SASH1: variants seen among roughly 807,000 people sequenced by gnomAD.
SASH1 encodes the protein SAM and SH3 domain containing 1, also known as SAM and SH3 domain-containing protein 1.
SASH1 carries 44 observed loss-of-function variants against 125.2 expected under a neutral mutation model. That is an observed-to-expected ratio of 0.35 (90% CI 0.28 to 0.45). The LOEUF is 0.45. SASH1 is among the 20% of genes least tolerant of loss of function. SASH1 has a pLI of 1.00. For synonymous variants in SASH1, 639 were observed against 649.1 expected (o/e 0.98, Z 0.24); for missense variants, 1,426 against 1,614.5 (o/e 0.88, Z 2.00).
intron 1 of SASH1, among the ~76,000 whole-genome samples, chr6:148,361,419 A>G (rs893354919): frequency 3.9e-5 from 6 of 152,268 alleles, no homozygotes; most frequent in Admixed American, 1.3e-4. Flanking sequence ...CCTGACCAGC[A>G]TGGAGAAACC....
chr6:148,360,826 G>A (rs999430859), intron 1 of SASH1, among the ~76,000 whole-genome samples: 5 of 152,216 alleles, frequency 3.3e-5, no homozygotes, highest in Admixed American at 6.5e-5. Context: ...GTGACCCTGT[G>A]AGGTGTGGTT....
intron 4 of SASH1, among the ~76,000 whole-genome samples, chr6:148,450,955 A>G (rs1392231706): frequency 6.6e-6 from 1 of 152,226 alleles, no homozygotes; most frequent in African/African-American, 2.4e-5. Flanking sequence ...TGATCATTAT[A>G]GTGCTTACCT....
At chr6:148,509,787 C>T (rs535990907) in intron 8 of SASH1, among the ~76,000 whole-genome samples, 2 of 152,334 alleles carry the variant, frequency 1.3e-5, no homozygotes, top group South Asian at 2.1e-4. Context: ...AATGTTTGTA[C>T]TCACAGATGC....
At chr6:148,334,065 G>C (rs1281976717) in intron 1 of SASH1, among the ~76,000 whole-genome samples, 1 of 150,358 alleles carries the variant, frequency 6.7e-6, no homozygotes, top group African/African-American at 2.4e-5. Flanking sequence ...CTCGTGATCC[G>C]CCTGCCTCGG....
At chr6:148,401,943 C>T (rs1427187758) in intron 2 of SASH1, among the ~76,000 whole-genome samples, 2 of 152,024 alleles carry the variant, frequency 1.3e-5, no homozygotes, top group South Asian at 4.2e-4. Flanking sequence ...TTCTTTTCTC[C>T]GAGATATTCC....
the SASH1 span, among the ~76,000 whole-genome samples, chr6:148,207,155 T>G: frequency 6.6e-6 from 1 of 152,180 alleles, no homozygotes; most frequent in Admixed American, 6.6e-5. Context: ...ACCCTGATTT[T>G]CCATGTCCTC....
chr6:148,426,191 A>C (rs1775817319), intron 2 of SASH1, among the ~76,000 whole-genome samples: 1 of 152,134 alleles, frequency 6.6e-6, no homozygotes, highest in Non-Finnish European at 1.5e-5. Context: ...TAGCCTGGGC[A>C]ACAACAGTGA....
upstream of SASH1, among the ~76,000 whole-genome samples, chr6:148,338,481 C>T (rs1195219741): frequency 6.6e-6 from 1 of 151,914 alleles, no homozygotes; most frequent in African/African-American, 2.4e-5. Flanking sequence ...TTTGATTCTG[C>T]CCCATGTAGC....
the SASH1 span, among the ~76,000 whole-genome samples, chr6:148,265,252 G>A: frequency 9.9e-5 from 15 of 150,826 alleles, no homozygotes; most frequent in Admixed American, 8.6e-4. Flanking sequence ...CAAGGCTACA[G>A]TGAGCTAAGC....
chr6:148,325,890 A>G (rs1780782620), intron 1 of SASH1, among the ~76,000 whole-genome samples: 1 of 152,110 alleles, frequency 6.6e-6, no homozygotes, highest in South Asian at 2.1e-4. Context: ...GATTAGTAGC[A>G]TGACTCTTGC....
chr6:148,363,917 T>A (rs1233903208), intron 1 of SASH1, among the ~76,000 whole-genome samples: 1 of 152,096 alleles, frequency 6.6e-6, no homozygotes, highest in Non-Finnish European at 1.5e-5. Context: ...GATTCTATAA[T>A]GGACATTTTA....
At chr6:148,456,814 A>G (rs1012377161) in intron 4 of SASH1, among the ~76,000 whole-genome samples, 6 of 151,484 alleles carry the variant, frequency 4.0e-5, no homozygotes, top group African/African-American at 1.5e-4. Context: ...GCAGTGAGCT[A>G]TAATCACATC....
chr6:148,247,141 G>T, the SASH1 span, among the ~76,000 whole-genome samples: 1 of 152,210 alleles, frequency 6.6e-6, no homozygotes, highest in Non-Finnish European at 1.5e-5. Context: ...CATAGGTGAA[G>T]ATTGTCTCTC....
At chr6:148,517,078 T>C (rs1168227497) in intron 9 of SASH1, among the ~76,000 whole-genome samples, 1 of 152,210 alleles carries the variant, frequency 6.6e-6, no homozygotes, top group South Asian at 2.1e-4. Context: ...TCTCCAGTAA[T>C]GAATCGCCAG....
the SASH1 span, among the ~76,000 whole-genome samples, chr6:148,207,993 C>T: frequency 6.6e-6 from 1 of 152,162 alleles, no homozygotes; most frequent in Non-Finnish European, 1.5e-5. Context: ...TTTAAGCAGA[C>T]CTTTAAGGAT....
intron 1 of SASH1, among the ~76,000 whole-genome samples, chr6:148,288,278 G>A (rs1357487863): frequency 4.6e-5 from 7 of 152,216 alleles, no homozygotes; most frequent in Non-Finnish European, 1.0e-4. Context: ...CCTGGGATTC[G>A]CCTGTGCGAT....
chr6:148,463,308 CTAATTAT>C (rs1300498417), intron 4 of SASH1, among the ~76,000 whole-genome samples: 2 of 152,044 alleles, frequency 1.3e-5, no homozygotes, highest in Non-Finnish European at 2.9e-5. Context: ...CCACGCCTGG[CTAATTAT>C]TGTATTTTTA....
Position 148,336,393 on chromosome 6 carries a change from G to A in SASH1, n.75-53741G>A, listed in dbSNP as rs544284330. Among the ~76,000 whole-genome samples the A allele has an allele frequency of 6.6e-5, 10 of 151,876 alleles. No individual in the cohort carries two copies. In the East Asian group the frequency reaches 1.5e-3, roughly 24 times the overall value. The stretch of plus-strand genomic sequence containing the variant: ...GGGTTTTACCATGTTGGCCAGGCTG[G>A]TCTCAAACTCCCGACCTCAGGTGAT... On this transcript the variant is annotated intron_variant and non_coding_transcript_variant, in intron 1 of 3. Transcript: ENST00000367469.
chr6:148,399,147 T>G (rs1784070566), intron 2 of SASH1, among the ~76,000 whole-genome samples: 1 of 151,976 alleles, frequency 6.6e-6, no homozygotes, highest in African/African-American at 2.4e-5. Flanking sequence ...TTGGCTGTGT[T>G]GTGCATGACA....
Sources: allele counts gnomAD v4.1 joint callset (sites outside exome capture counted in the v4.1 genomes callset), GRCh38; gene constraint gnomAD v4.1.1; transcripts MANE v1.5; gene names NCBI Gene and HGNC (gene_info 2026-07-23, HGNC 2026-07-21).